Variants in NELL1 observed in about 807,000 individuals in gnomAD.
NELL1 encodes the protein neural EGFL like 1, also known as protein kinase C-binding protein NELL1.
NELL1 carries 76 observed loss-of-function variants against 107.4 expected under a neutral mutation model. That is an observed-to-expected ratio of 0.71 (90% CI 0.59 to 0.86). NELL1 has a LOEUF of 0.86. Among genes scored for constraint, NELL1 ranks in the 40% least tolerant of loss-of-function variants. The probability of loss-of-function intolerance (pLI) is 0.00; values close to 1 mark genes in which losing one functional copy is unlikely to be tolerated. For missense variants in NELL1, 1,024 were observed against 1,005.5 expected (o/e 1.02, Z -0.25); for synonymous variants, 353 against 341.2 (o/e 1.03, Z -0.38).
chr11:20,697,708 C>T (rs2133875736), intron 2 of NELL1, among the ~76,000 whole-genome samples: 1 of 152,112 alleles, frequency 6.6e-6, no homozygotes, highest in East Asian at 1.9e-4. Flanking sequence ...AACTGGCTTG[C>T]CGTCAAGTGT....
intron 15 of NELL1, among the ~76,000 whole-genome samples, chr11:21,425,870 G>A (rs1564888049): frequency 6.6e-6 from 1 of 152,126 alleles, no homozygotes; most frequent in Non-Finnish European, 1.5e-5. Context: ...TTCCAAACAA[G>A]GGAGACAATA....
chr11:21,330,669 C>A (rs1357284788), intron 14 of NELL1, among the ~76,000 whole-genome samples: 1 of 151,902 alleles, frequency 6.6e-6, no homozygotes, highest in Non-Finnish European at 1.5e-5. Flanking sequence ...TTGTATTTTA[C>A]TTTCAACATT....
chr11:20,772,214 T>C (rs1194228266), intron 2 of NELL1, among the ~76,000 whole-genome samples: 1 of 152,160 alleles, frequency 6.6e-6, no homozygotes, highest in Non-Finnish European at 1.5e-5. Context: ...ACACCCTTAA[T>C]ATACAGAGTA....
At chr11:21,347,458 C>T (rs576606787) in intron 14 of NELL1, among the ~76,000 whole-genome samples, 14 of 151,960 alleles carry the variant, frequency 9.2e-5, no homozygotes, top group East Asian at 5.9e-4. Flanking sequence ...AAAAATTAGC[C>T]GAGTGTGGTG....
At chr11:20,780,072 C>T (rs1055124535) in intron 2 of NELL1, among the ~76,000 whole-genome samples, 4 of 152,130 alleles carry the variant, frequency 2.6e-5, no homozygotes, top group Non-Finnish European at 5.9e-5. Context: ...CACATAAAGC[C>T]TCAGTGTATC....
At chr11:20,975,901 T>C (rs58919066) in intron 12 of NELL1, among the ~76,000 whole-genome samples, 17,322 of 114,890 alleles carry the variant, frequency 0.15, 1,864 homozygotes, top group East Asian at 0.27. Context: ...TATATACATA[T>C]ATGTGTATTA....
At chr11:21,341,906 C>A (rs10430908) in intron 14 of NELL1, among the ~76,000 whole-genome samples, 3,385 of 152,036 alleles carry the variant, frequency 0.022, 53 homozygotes, top group African/African-American at 0.029. Context: ...TTCACGTTTT[C>A]TAAACATTTC....
chr11:21,087,677 G>A (rs1011484581), intron 12 of NELL1, among the ~76,000 whole-genome samples: 1 of 152,178 alleles, frequency 6.6e-6, no homozygotes, highest in South Asian at 2.1e-4. Flanking sequence ...GAGATATTGA[G>A]TCCAGGCGAA....
chr11:21,524,841 A>T (rs1025294246), intron 15 of NELL1, among the ~76,000 whole-genome samples: 1 of 152,214 alleles, frequency 6.6e-6, no homozygotes, highest in African/African-American at 2.4e-5. Flanking sequence ...GTTTCATAGC[A>T]GTCAAATTTC....
At chr11:21,374,349 T>G (rs2133757918) in intron 15 of NELL1, among the ~76,000 whole-genome samples, 1 of 152,184 alleles carries the variant, frequency 6.6e-6, no homozygotes, top group East Asian at 1.9e-4. Flanking sequence ...GTTTCCAAGA[T>G]GGCTCACTCA....
chr11:21,419,223 G>A (rs189267507), intron 15 of NELL1, among the ~76,000 whole-genome samples: 150 of 152,076 alleles, frequency 9.9e-4, no homozygotes, highest in African/African-American at 3.5e-3. Context: ...ATCAAATCCT[G>A]GTAAAGGTAA....
At chr11:20,999,508 T>A (rs1852167732) in intron 12 of NELL1, among the ~76,000 whole-genome samples, 1 of 152,204 alleles carries the variant, frequency 6.6e-6, no homozygotes, top group Non-Finnish European at 1.5e-5. Context: ...CTCAACTTAT[T>A]CCTTAGACTT....
In NELL1 at chr11:21,014,190, G is replaced by A. The variant is rs111502236; in HGVS notation, c.1300+53630G>A. On this transcript the variant is annotated intron_variant, in intron 12 of 19. Transcript: ENST00000357134. ...TGGATTTGATGTAATAGGCAACTGGGATTCTGAGTAGGGGTGGCCTGCACT... is the reference window on the plus strand; with the variant it reads ...TGGATTTGATGTAATAGGCAACTGGAATTCTGAGTAGGGGTGGCCTGCACT... 3.8e-3 allele frequency among the ~76,000 whole-genome samples: 580 copies of A among 152,184 alleles called. 1 individual carries two copies. Among genetic ancestry groups the A allele is most frequent in the African/African-American group, 0.012 (517 of 41,532 alleles).
intron 16 of NELL1, among the ~76,000 whole-genome samples, chr11:21,546,124 A>G (rs1470912770): frequency 1.1e-4 from 17 of 151,992 alleles, no homozygotes; most frequent in Admixed American, 9.8e-4. Flanking sequence ...ACAATGTGAG[A>G]ACCACTGTTG....
chr11:21,176,985 T>C (rs1856727020), intron 13 of NELL1, among the ~76,000 whole-genome samples: 1 of 151,856 alleles, frequency 6.6e-6, no homozygotes. Context: ...TTACAAAAAA[T>C]AATTGTGTAT....
intron 13 of NELL1, among the ~76,000 whole-genome samples, chr11:21,167,312 A>C (rs1856506331): frequency 6.6e-6 from 1 of 151,782 alleles, no homozygotes. Flanking sequence ...AATTCAAACC[A>C]CAGTGCCAGG....
intron 14 of NELL1, among the ~76,000 whole-genome samples, chr11:21,241,567 G>T (rs1390724280): frequency 6.6e-6 from 1 of 152,046 alleles, no homozygotes; most frequent in Non-Finnish European, 1.5e-5. Context: ...AGGCAACAAA[G>T]GATAAATTTA....
intron 9 of NELL1, among the ~76,000 whole-genome samples, chr11:20,933,434 A>G (rs1850658342): frequency 1.3e-5 from 2 of 152,302 alleles, no homozygotes; most frequent in South Asian, 2.1e-4. Flanking sequence ...ATGGGGAGCA[A>G]TACATTCCGT....
intron 12 of NELL1, among the ~76,000 whole-genome samples, chr11:21,042,199 G>A (rs1256740940): frequency 6.6e-6 from 1 of 152,142 alleles, no homozygotes; most frequent in Admixed American, 6.6e-5. Flanking sequence ...AAATTGCATG[G>A]CAGTATTCAG....
Sources: gnomAD v4.1 joint callset for allele counts (sites outside exome capture counted in the v4.1 genomes callset) on GRCh38, gnomAD v4.1.1 for gene constraint, MANE v1.5 for transcripts, NCBI Gene and HGNC (gene_info 2026-07-23, HGNC 2026-07-21) for gene names.